VPS13B: variants seen among roughly 807,000 people sequenced by gnomAD.
VPS13B encodes the protein intermembrane lipid transfer protein VPS13B.
Under a neutral mutation model 426.4 loss-of-function variants are expected in VPS13B, and 285 were observed. The ratio of observed to expected loss-of-function variants is 0.67; its 90% CI spans 0.61 to 0.74. The LOEUF (loss-of-function observed/expected upper bound fraction) is 0.74. Among genes scored for constraint, VPS13B ranks in the 30% least tolerant of loss-of-function variants. The pLI, the probability that VPS13B is intolerant of heterozygous loss-of-function variation, is 0.00. For synonymous variants in VPS13B, 1,676 were observed against 1,676.4 expected, an observed-to-expected ratio of 1.00 and a Z score of 0.01; for missense variants, 4,537 against 4,782.6, an observed-to-expected ratio of 0.95 and a Z score of 1.51.
intron 17 of VPS13B, among the ~76,000 whole-genome samples, chr8:99,248,927 T>C (rs922852170): frequency 6.6e-5 from 10 of 152,174 alleles, no homozygotes; most frequent in African/African-American, 2.4e-4. Flanking sequence ...TTAGAGTGTA[T>C]GATTCAGTGG....
chr8:99,473,877 T>G (rs1819544344), intron 24 of VPS13B, among the ~76,000 whole-genome samples: 1 of 152,148 alleles, frequency 6.6e-6, no homozygotes, highest in Non-Finnish European at 1.5e-5. Context: ...GAAAATGGAA[T>G]GAAATCAACT....
At chr8:99,768,225 T>C (rs991600467) in intron 40 of VPS13B, among the ~76,000 whole-genome samples, 2 of 152,198 alleles carry the variant, frequency 1.3e-5, no homozygotes, top group African/African-American at 2.4e-5. Context: ...GCTGGCTTAG[T>C]GTTGTTATCT....
chr8:99,190,808 T>C (rs1813521713), intron 16 of VPS13B, among the ~76,000 whole-genome samples: 2 of 152,174 alleles, frequency 1.3e-5, no homozygotes, highest in Non-Finnish European at 2.9e-5. Flanking sequence ...TTAATCTTAT[T>C]AGAAGATAAT....
intron 23 of VPS13B, among the ~76,000 whole-genome samples, chr8:99,446,540 G>T (rs1817931744): frequency 6.6e-6 from 1 of 151,666 alleles, no homozygotes; most frequent in African/African-American, 2.4e-5. Context: ...GGACTTTTTT[G>T]ATTTTTTACT....
In VPS13B at chr8:99,195,614, C is replaced by T. The variant is rs1813869634; in HGVS notation, c.2515+2557C>T. Among the ~76,000 whole-genome samples, 3 of 152,026 alleles carry T rather than the reference C, an allele frequency of 2.0e-5. 1 individual carries two copies. The South Asian group carries it at 6.2e-4, about 31-fold the overall frequency. On this transcript the variant is annotated intron_variant, in intron 17 of 61. Transcript: ENST00000357162. ...ATTTTTCTGTTATTGCTTTCATTTC[C>T]TGTGCTTTTAGGGTTATAGTCAATG...
In VPS13B at chr8:99,861,870, G is replaced by A. The variant is rs1816854749; in HGVS notation, c.11139G>A (p.Glu3713=). The A allele has an allele frequency of 6.3e-7, 1 of 1,596,284 alleles. No homozygotes were observed. The highest frequency in any genetic ancestry group is 8.5e-7 in the Non-Finnish European group (1 of 1,172,070). The part of the protein sequence containing the change: ...LDEEHYNRQE[E]WRRQLPESLG... ...AGGAGCACTACAACCGGCAGGAGGA[G>A]TGGCGGCGGCAGCTCCCCGAGAGCC... The change falls in exon 58 of 62, where the codon GAG becomes GAA. Residue 3713 remains glutamate, a synonymous_variant. Transcript: ENST00000357162.
chr8:99,382,867 T>C (rs1159521178), intron 19 of VPS13B, among the ~76,000 whole-genome samples: 1 of 152,198 alleles, frequency 6.6e-6, no homozygotes, highest in Non-Finnish European at 1.5e-5. Flanking sequence ...ATAGCAGTGG[T>C]GAGAGAGGGC....
intron 19 of VPS13B, among the ~76,000 whole-genome samples, chr8:99,379,200 C>A (rs1350713602): frequency 6.6e-6 from 1 of 152,094 alleles, no homozygotes; most frequent in Non-Finnish European, 1.5e-5. Flanking sequence ...ATTCCTCCAC[C>A]CCCCAAATCC....
chr8:99,591,260 T>C (rs1171765877), intron 33 of VPS13B, among the ~76,000 whole-genome samples: 1 of 149,544 alleles, frequency 6.7e-6, no homozygotes, highest in Admixed American at 6.8e-5. Context: ...TTGAGATGGG[T>C]CTCCTGATGA....
chr8:99,540,044 T>C (rs1563785003), intron 30 of VPS13B, among the ~76,000 whole-genome samples: 1 of 4,158 alleles, frequency 2.4e-4, no homozygotes, highest in Non-Finnish European at 5.9e-4. Context: ...TATATATATA[T>C]ATATATATAT....
chr8:99,696,154 G>A (rs186035084), intron 35 of VPS13B: 55 of 164,904 alleles, frequency 3.3e-4, no homozygotes, highest in Middle Eastern at 2.8e-3. Context: ...TTATGGTTGC[G>A]GGACCTCGGT....
intron 19 of VPS13B, among the ~76,000 whole-genome samples, chr8:99,317,855 TA>T (rs1464014095): frequency 1.3e-5 from 2 of 152,172 alleles, no homozygotes; most frequent in African/African-American, 4.8e-5. Flanking sequence ...TTCACTGTTT[TA>T]AAAAGTTTTG....
At chr8:99,349,430 C>T (rs2133207343) in intron 19 of VPS13B, among the ~76,000 whole-genome samples, 1 of 151,826 alleles carries the variant, frequency 6.6e-6, no homozygotes, top group Admixed American at 6.6e-5. Context: ...TTAAGATCCC[C>T]CACAAATGTA....
intron 43 of VPS13B, among the ~76,000 whole-genome samples, chr8:99,788,800 G>C (rs1812399807): frequency 6.6e-6 from 1 of 152,090 alleles, no homozygotes; most frequent in Admixed American, 6.6e-5. Context: ...TAGGCTACAT[G>C]CCAAATTTGG....
intron 29 of VPS13B, among the ~76,000 whole-genome samples, chr8:99,520,347 C>A (rs1822311916): frequency 6.9e-6 from 1 of 145,630 alleles, no homozygotes; most frequent in African/African-American, 2.5e-5. Context: ...CATCATATTT[C>A]TTTTGAATTT....
chr8:99,068,713 G>A (rs1168801390), intron 3 of VPS13B, among the ~76,000 whole-genome samples: 1 of 152,120 alleles, frequency 6.6e-6, no homozygotes, highest in Non-Finnish European at 1.5e-5. Context: ...TGGCAGCAGG[G>A]GTGGGGGGAA....
chr8:99,798,177 C>T (rs116292764), intron 43 of VPS13B, among the ~76,000 whole-genome samples: 255 of 151,088 alleles, frequency 1.7e-3, no homozygotes, highest in African/African-American at 4.3e-3. Flanking sequence ...ACCGTCCAGC[C>T]GCCATCAACT....
chr8:99,872,465 G>T (rs1165660163), intron 61 of VPS13B, among the ~76,000 whole-genome samples: 1 of 152,098 alleles, frequency 6.6e-6, no homozygotes, highest in Non-Finnish European at 1.5e-5. Flanking sequence ...AATTAATGTG[G>T]AACAGATGCG....
At chr8:99,664,363 A>G (rs1830372133) in intron 35 of VPS13B, among the ~76,000 whole-genome samples, 1 of 151,690 alleles carries the variant, frequency 6.6e-6, no homozygotes, top group Non-Finnish European at 1.5e-5. Flanking sequence ...CATTTGCACA[A>G]CATGCAGGTT....
Sources: allele counts gnomAD v4.1 joint callset (sites outside exome capture counted in the v4.1 genomes callset), GRCh38; gene constraint gnomAD v4.1.1; transcripts MANE v1.5; gene names NCBI Gene and HGNC (gene_info 2026-07-23, HGNC 2026-07-21).